Variants in RBFOX1 observed in about 807,000 individuals in gnomAD.
RBFOX1 encodes RNA binding protein fox-1 homolog 1.
In RBFOX1, 8 loss-of-function variants were observed where a neutral mutation model predicts 57.7. The ratio of observed to expected loss-of-function variants is 0.14; its 90% confidence interval spans 0.08 to 0.25. The LOEUF (loss-of-function observed/expected upper bound fraction) is 0.25, where lower values mean the gene tolerates loss of function less well. Among genes scored for constraint, RBFOX1 ranks in the 10% least tolerant of loss-of-function variants. The pLI is 1.00. For missense variants in RBFOX1, 611 were observed against 548.5 expected, an observed-to-expected ratio of 1.11 and a Z score of -1.14; for synonymous variants, 326 against 222.4, an observed-to-expected ratio of 1.47 and a Z score of -4.15.
intron 4 of RBFOX1, among the ~76,000 whole-genome samples, chr16:7,199,400 C>A (rs571171716): frequency 6.6e-6 from 1 of 152,066 alleles, no homozygotes; most frequent in African/African-American, 2.4e-5. Flanking sequence ...AAATGTTTTC[C>A]AAATAGGCCC....
In RBFOX1 at chr16:6,084,626, A is replaced by C. The variant is rs190235764; in HGVS notation, c.-127+64634A>C. On this transcript the variant is annotated intron_variant, in intron 1 of 15. Transcript: ENST00000550418. ...CGGTTTGCTAGTTTAGAAAGAAAAA[A>C]AAACAGTGACATGGTGAAAAAGTAA... is the stretch of plus-strand genomic sequence containing the variant. 3.3e-5 allele frequency among the ~76,000 whole-genome samples: 5 copies of C among 152,232 alleles called. No homozygotes were observed. In the East Asian group the frequency reaches 9.7e-4, roughly 29 times the overall value.
chr16:5,546,910 A>G (rs1419581266), intron 2 of RBFOX1, among the ~76,000 whole-genome samples: 2 of 152,342 alleles, frequency 1.3e-5, no homozygotes, highest in East Asian at 3.9e-4. Flanking sequence ...AAACTCGATA[A>G]TAAGACAATA....
chr16:5,455,440 A>G (rs2068600101), intron 1 of RBFOX1, among the ~76,000 whole-genome samples: 1 of 152,140 alleles, frequency 6.6e-6, no homozygotes, highest in South Asian at 2.1e-4. Context: ...AGGAAGGTAT[A>G]TCACTCCACC....
chr16:7,560,458 A>C (rs2090047916), intron 5 of RBFOX1, among the ~76,000 whole-genome samples: 1 of 151,810 alleles, frequency 6.6e-6, no homozygotes, highest in Non-Finnish European at 1.5e-5. Flanking sequence ...AGTGACTAAA[A>C]GTCTTGTTGC....
chr16:6,368,893 T>G (rs1442422428), intron 2 of RBFOX1, among the ~76,000 whole-genome samples: 3 of 152,160 alleles, frequency 2.0e-5, no homozygotes, highest in African/African-American at 7.2e-5. Flanking sequence ...TGTGGTAAAG[T>G]AACGCAGTGG....
intron 3 of RBFOX1, among the ~76,000 whole-genome samples, chr16:6,712,509 G>A (rs1237197930): frequency 6.6e-6 from 1 of 152,048 alleles, no homozygotes; most frequent in Non-Finnish European, 1.5e-5. Flanking sequence ...CTCAGTGGAT[G>A]GTATTATCAT....
chr16:5,412,159 G>T (rs2067039113), intron 1 of RBFOX1, among the ~76,000 whole-genome samples: 1 of 151,788 alleles, frequency 6.6e-6, no homozygotes, highest in Non-Finnish European at 1.5e-5. Context: ...CCAGGTTCTG[G>T]ACCCACACAG....
intron 1 of RBFOX1, among the ~76,000 whole-genome samples, chr16:5,352,631 C>A (rs1045861840): frequency 6.6e-6 from 1 of 152,082 alleles, no homozygotes; most frequent in African/African-American, 2.4e-5. Context: ...TGAGCACACT[C>A]AAGAAATTTA....
At chr16:5,821,316 G>C (rs1455565597) in intron 3 of RBFOX1, among the ~76,000 whole-genome samples, 1 of 127,604 alleles carries the variant, frequency 7.8e-6, no homozygotes, top group Non-Finnish European at 1.6e-5. Context: ...TTTTTTTTGA[G>C]ACGGAGTCTT....
At chr16:5,747,082 T>C (rs968197255) in intron 3 of RBFOX1, among the ~76,000 whole-genome samples, 6 of 152,176 alleles carry the variant, frequency 3.9e-5, no homozygotes, top group Non-Finnish European at 8.8e-5. Flanking sequence ...TATTGAGAGT[T>C]TTTAGCATGA....
chr16:6,924,349 G>A (rs1046972790), intron 3 of RBFOX1, among the ~76,000 whole-genome samples: 1 of 151,990 alleles, frequency 6.6e-6, no homozygotes, highest in Non-Finnish European at 1.5e-5. Flanking sequence ...TGTTGGGCAG[G>A]GAAGAGGAAC....
chr16:6,436,564 A>C (rs556677889), intron 2 of RBFOX1, among the ~76,000 whole-genome samples: 34 of 140,364 alleles, frequency 2.4e-4, no homozygotes, highest in African/African-American at 9.0e-4. Flanking sequence ...ATATAGGTCC[A>C]AGTTGAAATA....
chr16:7,705,252 A>T (rs979021671), intron 14 of RBFOX1, among the ~76,000 whole-genome samples: 2 of 152,134 alleles, frequency 1.3e-5, no homozygotes, highest in Non-Finnish European at 2.9e-5. Context: ...CATGCGTGTA[A>T]TCCCAGCACT....
chr16:5,426,659 T>C (rs1248442122), intron 1 of RBFOX1, among the ~76,000 whole-genome samples: 1 of 152,210 alleles, frequency 6.6e-6, no homozygotes, highest in African/African-American at 2.4e-5. Context: ...CCTACTAAAA[T>C]TGACTCTCTC....
At position 7,545,351 on chromosome 16, in the gene RBFOX1, C is replaced by G. The variant is rs567675605; in HGVS notation, c.270+26962C>G. On this transcript the variant is annotated intron_variant, in intron 5 of 15. Transcript: ENST00000550418. ...AGGTGGCGGCATTGTTTGCAATCCTCTTGGCCCCTTGCTCACAGCCAGGCC... is the reference window on the plus strand; with the variant it reads ...AGGTGGCGGCATTGTTTGCAATCCTGTTGGCCCCTTGCTCACAGCCAGGCC... Among the ~76,000 whole-genome samples, 25 of 152,142 alleles carry G rather than the reference C, an allele frequency of 1.6e-4. No individual in the cohort carries two copies. In the East Asian group the frequency reaches 4.8e-3, roughly 29 times the overall value.
At chr16:5,990,901 A>C (rs2060381396) in intron 4 of RBFOX1, among the ~76,000 whole-genome samples, 1 of 152,082 alleles carries the variant, frequency 6.6e-6, no homozygotes, top group Non-Finnish European at 1.5e-5. Context: ...TTGAACCTGG[A>C]AGGCAGAGGT....
intron 4 of RBFOX1, among the ~76,000 whole-genome samples, chr16:7,413,202 A>G (rs1361174102): frequency 6.6e-6 from 1 of 152,126 alleles, no homozygotes; most frequent in Non-Finnish European, 1.5e-5. Flanking sequence ...CCCAGGACAC[A>G]CCATTGAGAC....
At chr16:7,256,770 G>A (rs2094702694) in intron 4 of RBFOX1, among the ~76,000 whole-genome samples, 1 of 152,180 alleles carries the variant, frequency 6.6e-6, no homozygotes, top group East Asian at 1.9e-4. Context: ...TGTCCTGTGA[G>A]TTGCATTTAA....
chr16:7,131,634 G>C (rs2070429312), intron 4 of RBFOX1, among the ~76,000 whole-genome samples: 1 of 151,454 alleles, frequency 6.6e-6, no homozygotes, highest in South Asian at 2.1e-4. Context: ...CAGAGAGTTG[G>C]GCCCAGATGA....
Sources: allele counts gnomAD v4.1 joint callset (sites outside exome capture counted in the v4.1 genomes callset), GRCh38; gene constraint gnomAD v4.1.1; transcripts MANE v1.5; gene names NCBI Gene and HGNC (gene_info 2026-07-23, HGNC 2026-07-21).